Variants in CAMK1D observed in about 807,000 individuals in gnomAD.
The protein encoded by CAMK1D is calcium/calmodulin dependent protein kinase ID.
A neutral mutation model predicts 47.7 loss-of-function variants in CAMK1D; 9 were observed. The ratio of observed to expected loss-of-function variants is 0.19; its 90% CI spans 0.11 to 0.33. The LOEUF is 0.33. CAMK1D is among the 10% of genes least tolerant of loss of function. The probability of loss-of-function intolerance (pLI) is 1.00; values close to 1 mark genes in which losing one functional copy is unlikely to be tolerated. For missense variants in CAMK1D, 291 were observed against 488.7 expected (o/e 0.60, Z 3.81); for synonymous variants, 184 against 184.9 (o/e 0.99, Z 0.04).
chr10:12,812,708 C>A lies in CAMK1D; in HGVS notation c.642-1487C>A, dbSNP rs1418835071. Among the ~76,000 whole-genome samples, 3 of 152,184 alleles carry A rather than the reference C, an allele frequency of 2.0e-5. No homozygotes were observed. The East Asian group carries it at 5.8e-4, about 29-fold the overall frequency. On this transcript the variant is annotated intron_variant, in intron 6 of 10. Coordinates refer to ENST00000619168, the MANE Select transcript of CAMK1D (RefSeq NM_153498.4). ...GCAAGTTCTGCACCACGCTGCATTG[C>A]CCCTGGCCTTCTGGAATCAAGCTCC...
chr10:12,393,554 G>A (rs546638144), intron 1 of CAMK1D, among the ~76,000 whole-genome samples: 5 of 152,192 alleles, frequency 3.3e-5, no homozygotes, highest in Admixed American at 1.3e-4. Flanking sequence ...CTCACCCAGG[G>A]ACATTCAGCG....
chr10:12,700,370 G>T (rs1048626771), intron 3 of CAMK1D, among the ~76,000 whole-genome samples: 13 of 152,180 alleles, frequency 8.5e-5, no homozygotes, highest in African/African-American at 3.1e-4. Flanking sequence ...GCAAGAGGGA[G>T]AAGCTCCTTA....
At chr10:12,536,993 G>T (rs1292747486) in intron 1 of CAMK1D, among the ~76,000 whole-genome samples, 1 of 152,094 alleles carries the variant, frequency 6.6e-6, no homozygotes, top group Non-Finnish European at 1.5e-5. Flanking sequence ...CTTTTCTGTA[G>T]CCATATGACA....
chr10:12,760,940 T>C lies in CAMK1D; in HGVS notation c.300-8T>C. On this transcript the variant is annotated splice_polypyrimidine_tract_variant and splice_region_variant and intron_variant, in intron 3 of 10. Transcript: ENST00000619168. ...CTTTCAAACTTCTAATATGTTCTTT[T>C]TTGCCAGGGTGTCCGGTGGAGAGCT... is the stretch of plus-strand genomic sequence containing the variant. The C allele has an allele frequency of 6.2e-7, 1 of 1,611,346 alleles. No individual in the cohort carries two copies. Among genetic ancestry groups the C allele is most frequent in the South Asian group, 1.1e-5 (1 of 91,004 alleles).
At chr10:12,475,288 C>T (rs893097641) in intron 1 of CAMK1D, among the ~76,000 whole-genome samples, 3 of 152,202 alleles carry the variant, frequency 2.0e-5, no homozygotes, top group Non-Finnish European at 4.4e-5. Context: ...CCCCATTCCT[C>T]CTCTCCCCAG....
chr10:12,698,101 AC>A (rs1833368323), intron 3 of CAMK1D, among the ~76,000 whole-genome samples: 1 of 152,068 alleles, frequency 6.6e-6, no homozygotes, highest in African/African-American at 2.4e-5. Flanking sequence ...TATAAATACT[AC>A]TCCGTTGTCA....
intron 1 of CAMK1D, among the ~76,000 whole-genome samples, chr10:12,461,050 T>G (rs911555104): frequency 6.6e-6 from 1 of 152,190 alleles, no homozygotes; most frequent in African/African-American, 2.4e-5. Flanking sequence ...GCCTCCTCAA[T>G]TCACCTTACA....
chr10:12,748,129 A>G (rs17152194), intron 3 of CAMK1D, among the ~76,000 whole-genome samples: 33,558 of 152,160 alleles, frequency 0.22, 3,776 homozygotes, highest in East Asian at 0.3. Flanking sequence ...TGGCCAGAAC[A>G]ATGCAATTTT....
intron 1 of CAMK1D, among the ~76,000 whole-genome samples, chr10:12,487,136 C>T (rs1834242639): frequency 6.6e-6 from 1 of 152,036 alleles, no homozygotes; most frequent in Non-Finnish European, 1.5e-5. Context: ...GCCTAGTAAC[C>T]AATAGTGATT....
intron 1 of CAMK1D, among the ~76,000 whole-genome samples, chr10:12,399,545 G>A (rs1017721206): frequency 1.3e-5 from 2 of 152,078 alleles, no homozygotes; most frequent in Admixed American, 6.6e-5. Context: ...GGACTGCAGG[G>A]TTCCTAAGGA....
chr10:12,568,522 C>T (rs1837215764), intron 2 of CAMK1D, among the ~76,000 whole-genome samples: 1 of 132,756 alleles, frequency 7.5e-6, no homozygotes, highest in East Asian at 2.2e-4. Flanking sequence ...TCCCTCCCTC[C>T]CTCCCCTCAC....
rs117755612 is a variant in CAMK1D at position 12,620,432 on chromosome 10, G to A, written c.225-46304G>A. On this transcript the variant is annotated intron_variant, in intron 2 of 10. Coordinates refer to ENST00000619168, the MANE Select transcript of CAMK1D (RefSeq NM_153498.4). Reference sequence around the variant, plus strand: ...CTCTGCATCCTCGCCAGGATCTGACGTTGCCGTCATTTTGTGATTTTAGCT... The same window carrying A: ...CTCTGCATCCTCGCCAGGATCTGACATTGCCGTCATTTTGTGATTTTAGCT... 3.4e-3 allele frequency among the ~76,000 whole-genome samples: 512 copies of A among 152,306 alleles called. 3 individuals carry two copies. The East Asian group carries it at 0.041, about 12-fold the overall frequency.
chr10:12,489,024 C>T (rs1223934375), intron 1 of CAMK1D, among the ~76,000 whole-genome samples: 1 of 151,336 alleles, frequency 6.6e-6, no homozygotes, highest in Non-Finnish European at 1.5e-5. Flanking sequence ...CAAGCTCCGC[C>T]TCCCAGGTTC....
intron 3 of CAMK1D, among the ~76,000 whole-genome samples, chr10:12,737,249 ACT>A (rs1835229657): frequency 6.6e-6 from 1 of 150,734 alleles, no homozygotes; most frequent in African/African-American, 2.4e-5. Context: ...GCTGGCCTTG[ACT>A]CTCTTTCTAC....
At chr10:12,668,217 A>G (rs147652335) in intron 3 of CAMK1D, among the ~76,000 whole-genome samples, 212 of 152,324 alleles carry the variant, frequency 1.4e-3, no homozygotes, top group African/African-American at 4.6e-3. Flanking sequence ...TTTCTGCTCT[A>G]TAAAGATGCA....
chr10:12,459,819 C>G (rs548697571), intron 1 of CAMK1D, among the ~76,000 whole-genome samples: 1 of 152,244 alleles, frequency 6.6e-6, no homozygotes, highest in Admixed American at 6.5e-5. Context: ...GTTGGTGAAA[C>G]TTGAGAAATA....
chr10:12,367,464 A>G (rs1837870054), intron 1 of CAMK1D, among the ~76,000 whole-genome samples: 1 of 151,658 alleles, frequency 6.6e-6, no homozygotes, highest in Admixed American at 6.6e-5. Context: ...TATTATTATT[A>G]CCTATTATTA....
At chr10:12,568,509 C>G (rs1011034222) in intron 2 of CAMK1D, among the ~76,000 whole-genome samples, 3 of 123,946 alleles carry the variant, frequency 2.4e-5, no homozygotes, top group South Asian at 3.2e-4. Context: ...CCTCCTCCCT[C>G]TTTCCCTCCC....
intron 1 of CAMK1D, among the ~76,000 whole-genome samples, chr10:12,452,475 A>G (rs886176401): frequency 7.0e-4 from 106 of 151,678 alleles, no homozygotes; most frequent in African/African-American, 2.5e-3. Flanking sequence ...ACAATTATTT[A>G]TAATGTATAA....
Sources: gnomAD v4.1 joint callset for allele counts (sites outside exome capture counted in the v4.1 genomes callset) on GRCh38, gnomAD v4.1.1 for gene constraint, MANE v1.5 for transcripts, NCBI Gene and HGNC (gene_info 2026-07-23, HGNC 2026-07-21) for gene names.